The following LMNB1 variants were observed in gnomAD, a reference collection of about 807,000 sequenced individuals.
LMNB1 encodes the protein lamin-B1.
A neutral mutation model predicts 67.1 loss-of-function variants in LMNB1; 23 were observed. That is an observed-to-expected ratio of 0.34 (90% CI 0.25 to 0.49). The LOEUF is 0.49. LMNB1 is among the 20% of genes least tolerant of loss of function. The pLI is 0.99. For synonymous variants in LMNB1, 281 were observed against 282.9 expected, an observed-to-expected ratio of 0.99 and a Z score of 0.07; for missense variants, 634 against 746.5, an observed-to-expected ratio of 0.85 and a Z score of 1.76.
intron 1 of LMNB1, among the ~76,000 whole-genome samples, chr5:126,802,199 G>T (rs1751301361): frequency 6.6e-6 from 1 of 152,136 alleles, no homozygotes; most frequent in Non-Finnish European, 1.5e-5. Flanking sequence ...CTTTTATGAT[G>T]AGTAAAAAGT....
intron 9 of LMNB1, among the ~76,000 whole-genome samples, chr5:126,829,949 G>GT (rs1752091463): frequency 6.6e-6 from 1 of 152,102 alleles, no homozygotes; most frequent in Non-Finnish European, 1.5e-5. Flanking sequence ...AAAACAAGAT[G>GT]TTTTTTATGA....
In LMNB1 at chr5:126,836,887, G is replaced by C. The variant is rs1176298943; in HGVS notation, c.*623G>C. On this transcript the variant is annotated 3_prime_UTR_variant, in exon 11 of 11. Transcript: ENST00000261366. ...TTCTCTTAGATTCTTAATTCATGAG[G>C]AGGGTGGGGGAGGGAGGTGGAGGGA... The C allele has an allele frequency of 2.6e-6, 1 of 380,706 alleles. No individual in the cohort carries two copies. 23.6% of individuals were successfully genotyped at this position (380,706 alleles called of 1,614,324 possible).
At chr5:126,800,965 A>T (rs1350752912) in intron 1 of LMNB1, among the ~76,000 whole-genome samples, 7 of 73,074 alleles carry the variant, frequency 9.6e-5, no homozygotes, top group African/African-American at 2.3e-4. Context: ...ATATATATAT[A>T]TATATATATA....
chr5:126,785,327 C>T (rs1277994622), intron 1 of LMNB1, among the ~76,000 whole-genome samples: 1 of 128,766 alleles, frequency 7.8e-6, no homozygotes, highest in Non-Finnish European at 1.7e-5. Flanking sequence ...GAGTCTTGCT[C>T]TGTCGCCAGG....
At chr5:126,808,943 T>C (rs1266663542) in intron 3 of LMNB1, among the ~76,000 whole-genome samples, 2 of 152,096 alleles carry the variant, frequency 1.3e-5, no homozygotes, top group Non-Finnish European at 1.5e-5. Flanking sequence ...TGGTGCGATC[T>C]TGGCTCACTG....
At chr5:126,824,181 G>GT (rs537024617) in intron 8 of LMNB1, among the ~76,000 whole-genome samples, 1 of 152,148 alleles carries the variant, frequency 6.6e-6, no homozygotes, top group Non-Finnish European at 1.5e-5. Flanking sequence ...TGATCTTTCT[G>GT]TAAAATTGCA....
At chr5:126,813,409 A>G (rs1751627024) in intron 5 of LMNB1, among the ~76,000 whole-genome samples, 1 of 151,744 alleles carries the variant, frequency 6.6e-6, no homozygotes, top group Non-Finnish European at 1.5e-5. Flanking sequence ...GGGTTTCTCT[A>G]CTCCTTCCCA....
intron 1 of LMNB1, among the ~76,000 whole-genome samples, chr5:126,796,327 G>A (rs991709737): frequency 3.3e-5 from 5 of 152,004 alleles, no homozygotes; most frequent in African/African-American, 9.7e-5. Flanking sequence ...TCTGGAGTAG[G>A]GTACACCTAG....
chr5:126,804,987 C>T, intron 2 of LMNB1, 55 bp downstream of exon 2: 1 of 1,412,926 alleles, frequency 7.1e-7, no homozygotes, highest in South Asian at 1.3e-5. Context: ...CCTCATCTGC[C>T]TTAAGCCATA....
intron 1 of LMNB1, among the ~76,000 whole-genome samples, chr5:126,784,480 G>A (rs891249884): frequency 6.8e-6 from 1 of 147,224 alleles, no homozygotes; most frequent in Admixed American, 6.8e-5. Flanking sequence ...CTCAGCCTCC[G>A]GAGTAGCTGG....
At position 126,825,994 on chromosome 5, in the gene LMNB1, G is replaced by C; in HGVS notation, c.1498G>C (p.Ala500Pro). Reference sequence around the variant, plus strand: ...ATGCTTTGGTTTTTTACAGATTTGGGCTGCAAACGCTGGTGTCACAGCCAG... The same window carrying C: ...ATGCTTTGGTTTTTTACAGATTTGGCCTGCAAACGCTGGTGTCACAGCCAG... ...LKAGQTVTIW[A>P]ANAGVTASPP... The change falls in exon 9 of 11, where the codon GCT becomes CCT. Residue 500 changes from alanine (A) to proline (P), a missense_variant. Ala to Pro is a conservative substitution (Grantham distance 27, BLOSUM62 -1). Transcript: ENST00000261366. 1 of 1,613,734 alleles carries C rather than the reference G, an allele frequency of 6.2e-7. No homozygotes were observed. Among genetic ancestry groups the C allele is most frequent in the Non-Finnish European group, 8.5e-7 (1 of 1,179,864 alleles).
chr5:126,804,094 G>A (rs889667878), intron 1 of LMNB1, among the ~76,000 whole-genome samples: 2 of 150,066 alleles, frequency 1.3e-5, no homozygotes, highest in Non-Finnish European at 3.0e-5. Flanking sequence ...TTTTTTTTGA[G>A]ACTGGGTCTT....
At chr5:126,780,354 G>A (rs1182364656) in intron 1 of LMNB1, among the ~76,000 whole-genome samples, 1 of 152,202 alleles carries the variant, frequency 6.6e-6, no homozygotes, top group African/African-American at 2.4e-5. Context: ...TCTTTTGTCT[G>A]ATGTGAAGCA....
chr5:126,785,586 G>A (rs528174773), intron 1 of LMNB1, among the ~76,000 whole-genome samples: 2 of 150,418 alleles, frequency 1.3e-5, no homozygotes, highest in African/African-American at 2.4e-5. Flanking sequence ...GCCTCCCAAA[G>A]TGCTAGGATT....
intron 5 of LMNB1, 150 bp from the exon 6 acceptor site, chr5:126,818,772 T>G (rs910113256): frequency 2.4e-5 from 15 of 626,972 alleles, no homozygotes; most frequent in Middle Eastern, 4.4e-4. Context: ...GAATTTTGGG[T>G]TTTAATTTCT....
intron 2 of LMNB1, 75 bp downstream of exon 2, chr5:126,805,007 A>T: frequency 1.7e-6 from 2 of 1,203,898 alleles, no homozygotes; most frequent in East Asian, 5.1e-5. Context: ...AGTTTGATTG[A>T]TTGATTGATT....
chr5:126,834,171 T>A (rs1458787466), intron 10 of LMNB1, among the ~76,000 whole-genome samples: 2 of 152,158 alleles, frequency 1.3e-5, no homozygotes, highest in African/African-American at 4.8e-5. Flanking sequence ...ATGGCAATTG[T>A]CTAACAGAGT....
At chr5:126,810,027 A>G (rs1452938161) in intron 3 of LMNB1, among the ~76,000 whole-genome samples, 153 bp from the exon 4 acceptor site, 3 of 152,234 alleles carry the variant, frequency 2.0e-5, no homozygotes, top group Non-Finnish European at 2.9e-5. Context: ...ACTGAAAACT[A>G]AGAGGCAAAA....
intron 1 of LMNB1, among the ~76,000 whole-genome samples, chr5:126,802,532 C>G (rs1484017261): frequency 6.6e-6 from 1 of 152,118 alleles, no homozygotes; most frequent in African/African-American, 2.4e-5. Flanking sequence ...CAACCTCTAC[C>G]TCCCGGGTTC....
Sources: allele counts gnomAD v4.1 joint callset (sites outside exome capture counted in the v4.1 genomes callset), GRCh38; gene constraint gnomAD v4.1.1; transcripts MANE v1.5; gene names NCBI Gene and HGNC (gene_info 2026-07-23, HGNC 2026-07-21).